The following AMOTL1 variants were observed in gnomAD, a reference collection of about 807,000 sequenced individuals.
AMOTL1 encodes angiomotin like 1.
Under a neutral mutation model 102.9 loss-of-function variants are expected in AMOTL1, and 45 were observed. The ratio of observed to expected loss-of-function variants is 0.44; its 90% CI spans 0.34 to 0.56. The LOEUF is 0.56. Ranked by LOEUF, AMOTL1 falls within the 20% of genes least tolerant of loss-of-function variation. The pLI is 0.01. For synonymous variants in AMOTL1, 481 were observed against 484.7 expected, an observed-to-expected ratio of 0.99 and a Z score of 0.10; for missense variants, 1,114 against 1,225.6, an observed-to-expected ratio of 0.91 and a Z score of 1.36.
chr11:94,792,371 G>A (rs1951299238), intron 1 of AMOTL1, among the ~76,000 whole-genome samples: 1 of 152,180 alleles, frequency 6.6e-6, no homozygotes, highest in South Asian at 2.1e-4. Flanking sequence ...TAATGTAAAT[G>A]ACGAGTTAAT....
intron 1 of AMOTL1, among the ~76,000 whole-genome samples, chr11:94,726,906 T>C (rs1457398980): frequency 6.6e-6 from 1 of 152,134 alleles, no homozygotes; most frequent in Non-Finnish European, 1.5e-5. Flanking sequence ...AGTGCTTGGT[T>C]TTCCCAAGCT....
At chr11:94,827,288 G>T (rs1054866403) in intron 4 of AMOTL1, among the ~76,000 whole-genome samples, 2 of 152,172 alleles carry the variant, frequency 1.3e-5, no homozygotes, top group Non-Finnish European at 2.9e-5. Flanking sequence ...AGGAAGCCTC[G>T]CTAGTTGTCC....
intron 2 of AMOTL1, among the ~76,000 whole-genome samples, chr11:94,796,725 T>C (rs960680669): frequency 1.3e-5 from 2 of 152,174 alleles, no homozygotes; most frequent in Non-Finnish European, 2.9e-5. Flanking sequence ...AGTTACAGTA[T>C]TTTGCTATTG....
intron 9 of AMOTL1, among the ~76,000 whole-genome samples, chr11:94,861,120 T>C (rs969892101): frequency 1.3e-5 from 2 of 152,010 alleles, no homozygotes; most frequent in Admixed American, 6.6e-5. Context: ...TTTATGTGGG[T>C]CTACACTTTG....
At chr11:94,785,570 C>A (rs1404731264) in intron 1 of AMOTL1, among the ~76,000 whole-genome samples, 1 of 152,172 alleles carries the variant, frequency 6.6e-6, no homozygotes, top group African/African-American at 2.4e-5. Context: ...GTAATTCATT[C>A]ATGAACGCAT....
chr11:94,834,252 G>A (rs1952128589), intron 6 of AMOTL1, among the ~76,000 whole-genome samples: 1 of 151,944 alleles, frequency 6.6e-6, no homozygotes, highest in Non-Finnish European at 1.5e-5. Flanking sequence ...TTTTTTTTGG[G>A]ATTCTAGCAC....
At position 94,800,219 on chromosome 11, in the gene AMOTL1, C is replaced by A. The variant is rs775772235; in HGVS notation, c.1029C>A (p.His343Gln). ...GTGACCAGCACCCCGGGATGCTCCA[C>A]GAGATGGTCAAGCCCTACCCTGCTC... ...FYGDQHPGML[H>Q]EMVKPYPAPQ... The change falls in exon 3 of 13, where the codon CAC becomes CAA. Residue 343 changes from histidine to glutamine, a missense_variant. Transcript: ENST00000433060. The A allele has an allele frequency of 9.3e-6, 15 of 1,613,886 alleles. No homozygotes were observed. In the East Asian group the frequency reaches 3.3e-4, roughly 36 times the overall value.
chr11:94,757,347 T>C lies in AMOTL1; in HGVS notation c.136+16359T>C, dbSNP rs547908126. Among the ~76,000 whole-genome samples the C allele has an allele frequency of 6.4e-4, 97 of 152,330 alleles. 1 individual carries two copies. The highest frequency in any genetic ancestry group is 2.1e-3 in the Admixed American group (32 of 15,298). On this transcript the variant is annotated intron_variant, in intron 3 of 4. Coordinates refer to the AMOTL1 transcript ENST00000299004. ...GGTGGATACTATTGTAACCACCGCT[T>C]ATGAAATGAGGAAAAACGGCTTTAC...
intron 1 of AMOTL1, among the ~76,000 whole-genome samples, chr11:94,787,129 T>A (rs979921739): frequency 6.6e-6 from 1 of 151,804 alleles, no homozygotes; most frequent in African/African-American, 2.4e-5. Context: ...TGGGGAGCAC[T>A]GAGTAGCATA....
At chr11:94,796,985 G>A (rs1054842196) in intron 2 of AMOTL1, 6 of 985,258 alleles carry the variant, frequency 6.1e-6, no homozygotes, top group Non-Finnish European at 7.2e-6. Context: ...AACGAGCGTG[G>A]CAGTTGATTA....
rs187934239 is a variant in AMOTL1 at position 94,864,610 on chromosome 11, C to T, written c.2136-125C>T. 7.7e-5 allele frequency: 103 copies of T among 1,331,372 alleles called. 1 individual carries two copies. The East Asian group carries it at 2.5e-3, about 32-fold the overall frequency. 82.5% of individuals were successfully genotyped at this position (1,331,372 alleles called of 1,614,324 possible). On this transcript the variant is annotated intron_variant, in intron 9 of 12. Coordinates refer to ENST00000433060, the MANE Select transcript of AMOTL1 (RefSeq NM_130847.3). ...ATTGGGAGGGAAAGGCTTCATGAGC[C>T]AATGCGAGATGCAGAGCTGATCTCT...
chr11:94,761,464 C>A (rs1392834997), intron 3 of AMOTL1, among the ~76,000 whole-genome samples: 1 of 151,660 alleles, frequency 6.6e-6, no homozygotes, highest in Non-Finnish European at 1.5e-5. Context: ...GCTGGGATTA[C>A]AGGCATGAGC....
At chr11:94,776,524 T>C (rs1951027365) in intron 1 of AMOTL1, among the ~76,000 whole-genome samples, 1 of 152,218 alleles carries the variant, frequency 6.6e-6, no homozygotes, top group Non-Finnish European at 1.5e-5. Flanking sequence ...CTTCTCAGAA[T>C]AGGCCCAGCA....
At position 94,875,401 on chromosome 11, in the gene AMOTL1, A is replaced by G. The variant is rs1186540496; in HGVS notation, c.*4606A>G. 3 of 152,230 alleles carry G rather than the reference A, an allele frequency of 2.0e-5. No individual in the cohort carries two copies. Among genetic ancestry groups the G allele is most frequent in the Admixed American group, 6.5e-5 (1 of 15,290 alleles). 9.4% of individuals were successfully genotyped at this position (152,230 alleles called of 1,614,324 possible). ...CATGTGTATAAGTGAGTGCATACAT[A>G]TGAGGTATGACTATAGGGTTGTTTG... is the stretch of plus-strand genomic sequence containing the variant. On this transcript the variant is annotated 3_prime_UTR_variant, in exon 13 of 13. Transcript: ENST00000433060.
intron 1 of AMOTL1, among the ~76,000 whole-genome samples, chr11:94,707,563 C>A (rs919129593): frequency 1.3e-5 from 2 of 152,090 alleles, no homozygotes; most frequent in East Asian, 1.9e-4. Context: ...TCATCTATAA[C>A]CTATACAGGG....
chr11:94,732,196 A>T (rs1178167513), intron 2 of AMOTL1, among the ~76,000 whole-genome samples: 1 of 152,168 alleles, frequency 6.6e-6, no homozygotes, highest in Non-Finnish European at 1.5e-5. Flanking sequence ...GGAGTGTCCA[A>T]ACCTTGGGGT....
intron 1 of AMOTL1, among the ~76,000 whole-genome samples, chr11:94,707,246 C>G (rs61893462): frequency 0.15 from 8,767 of 59,078 alleles, 312 homozygotes; most frequent in East Asian, 0.22. Flanking sequence ...CTCTCTCTCT[C>G]TCTCTGTGTG....
intron 4 of AMOTL1, among the ~76,000 whole-genome samples, chr11:94,829,081 A>T (rs1952023041): frequency 6.6e-6 from 1 of 152,246 alleles, no homozygotes; most frequent in African/African-American, 2.4e-5. Context: ...TATGTGCCGT[A>T]GATTAAAGGC....
At chr11:94,738,747 G>A (rs1382348265) in intron 2 of AMOTL1, among the ~76,000 whole-genome samples, 1 of 152,154 alleles carries the variant, frequency 6.6e-6, no homozygotes, top group Non-Finnish European at 1.5e-5. Flanking sequence ...AGGAAGGAGG[G>A]TCATGAGGAG....
Sources: gnomAD v4.1 joint callset for allele counts (sites outside exome capture counted in the v4.1 genomes callset) on GRCh38, gnomAD v4.1.1 for gene constraint, MANE v1.5 for transcripts, NCBI Gene and HGNC (gene_info 2026-07-23, HGNC 2026-07-21) for gene names.